The following RHOG variants were observed in gnomAD, a reference collection of about 807,000 sequenced individuals.
RHOG encodes ras homolog family member G, also known as rho-related GTP-binding protein RhoG.
Under a neutral mutation model 12.3 loss-of-function variants are expected in RHOG, and 1 was observed. That is an observed-to-expected ratio of 0.08 (90% CI 0.03 to 0.39). The LOEUF is 0.39. RHOG is among the 10% of genes least tolerant of loss of function. The pLI is 0.99. For synonymous variants in RHOG, 129 were observed against 116.0 expected (o/e 1.11, Z -0.72); for missense variants, 114 against 266.2 (o/e 0.43, Z 3.98).
At position 3,828,724 on chromosome 11, in the gene RHOG, C is replaced by T. The variant is rs150930494; in HGVS notation, c.-68-518G>A. Among the ~76,000 whole-genome samples the T allele has an allele frequency of 9.4e-3, 1,404 of 148,644 alleles. 18 individuals carry two copies. Among genetic ancestry groups the T allele is most frequent in the African/African-American group, 0.03 (1,191 of 39,948 alleles). Reference sequence around the variant, plus strand: ...CTGCAAGCTCCGCCTCCTGGGTTCACGCCATTCTGCCTCAGCCTCTCGAGT... The same window carrying T: ...CTGCAAGCTCCGCCTCCTGGGTTCATGCCATTCTGCCTCAGCCTCTCGAGT... On this transcript the variant is annotated intron_variant, in intron 1 of 1. Transcript: ENST00000351018.
At chr11:3,833,076 AG>A (rs1448854881) in intron 1 of RHOG, among the ~76,000 whole-genome samples, 2 of 151,988 alleles carry the variant, frequency 1.3e-5, no homozygotes, top group East Asian at 3.9e-4. Flanking sequence ...AAAGTTATTT[AG>A]TAAATCAATG....
chr11:3,828,004 T>C lies in RHOG; in HGVS notation c.135A>G (p.Ala45=), dbSNP rs553525188. 1 of 1,614,280 alleles carries C rather than the reference T, an allele frequency of 6.2e-7. No homozygotes were observed. The highest frequency in any genetic ancestry group is 1.3e-5 in the African/African-American group (1 of 75,084). ...TCAGGTTCACTGTGCGCCCGTCAACTGCGCTCTGCGCGCTGTAATTGTCGA... is the reference window on the plus strand; with the variant it reads ...TCAGGTTCACTGTGCGCCCGTCAACCGCGCTCTGCGCGCTGTAATTGTCGA... ...TVFDNYSAQS[A]VDGRTVNLNL... The change falls in exon 2 of 2, where the codon GCA becomes GCG. Residue 45 remains alanine (A), a synonymous_variant. Coordinates refer to ENST00000351018, the MANE Select transcript of RHOG (RefSeq NM_001665.4).
chr11:3,835,056 G>A (rs1190851403), intron 1 of RHOG, among the ~76,000 whole-genome samples: 1 of 152,186 alleles, frequency 6.6e-6, no homozygotes, highest in Admixed American at 6.5e-5. Context: ...AGTCAGAAGT[G>A]ACTTATCCTA....
chr11:3,828,772 C>G (rs570468195), intron 1 of RHOG, among the ~76,000 whole-genome samples: 501 of 151,866 alleles, frequency 3.3e-3, no homozygotes, highest in African/African-American at 0.011. Flanking sequence ...AGGCACCCAC[C>G]ACCACGCCCG....
intron 1 of RHOG, among the ~76,000 whole-genome samples, chr11:3,835,033 C>T (rs1417836583): frequency 2.6e-5 from 4 of 152,286 alleles, no homozygotes; most frequent in South Asian, 2.1e-4. Flanking sequence ...TCCAGGAAAG[C>T]GTAAATTATC....
intron 1 of RHOG, among the ~76,000 whole-genome samples, chr11:3,831,853 T>C (rs571534528): frequency 6.6e-6 from 1 of 152,142 alleles, no homozygotes; most frequent in Non-Finnish European, 1.5e-5. Flanking sequence ...AGCCCAGCAC[T>C]GGGCTGGCCC....
At chr11:3,839,628 CAG>C (rs2090179213) in intron 1 of RHOG, among the ~76,000 whole-genome samples, 1 of 149,852 alleles carries the variant, frequency 6.7e-6, no homozygotes, top group Non-Finnish European at 1.5e-5. Flanking sequence ...CACACACACA[CAG>C]GCTTTCCAGC....
At chr11:3,836,931 A>AAAAAAAAAT (rs2090161339) in intron 1 of RHOG, among the ~76,000 whole-genome samples, 5 of 136,884 alleles carry the variant, frequency 3.7e-5, no homozygotes, top group Non-Finnish European at 7.9e-5. Flanking sequence ...AAAAAAAAAA[A>AAAAAAAAAT]GCTGAGCCTC....
In RHOG at chr11:3,828,030, A is replaced by C; in HGVS notation, c.109T>G (p.Phe37Val). 1 of 1,614,292 alleles carries C rather than the reference A, an allele frequency of 6.2e-7. No individual in the cohort carries two copies. The highest frequency in any genetic ancestry group is 8.5e-7 in the Non-Finnish European group (1 of 1,180,056). The change falls in exon 2 of 2, where the codon TTC (phenylalanine) becomes GTC (valine). Residue 37 changes from phenylalanine (F) to valine (V), a missense_variant. Phe to Val is a conservative substitution (Grantham distance 50). This residue lies in a region of RHOG where 53 missense variants were observed against 164.8 expected (regional missense o/e 0.32). Coordinates refer to ENST00000351018, the MANE Select transcript of RHOG (RefSeq NM_001665.4). ...GCGCTCTGCGCGCTGTAATTGTCGA[A>C]CACGGTGGGGATGTACTCTTTGGGG... Reference protein sequence around the residue: ...AFPKEYIPTVFDNYSAQSAVD... With the variant: ...AFPKEYIPTVVDNYSAQSAVD...
At chr11:3,837,209 G>A (rs895633521) in intron 1 of RHOG, among the ~76,000 whole-genome samples, 4 of 152,030 alleles carry the variant, frequency 2.6e-5, no homozygotes, top group Admixed American at 1.3e-4. Context: ...CTTTAGCCCC[G>A]CCCGAGGCCT....
chr11:3,832,604 G>A (rs1181388349), intron 1 of RHOG, among the ~76,000 whole-genome samples: 1 of 152,198 alleles, frequency 6.6e-6, no homozygotes, highest in Non-Finnish European at 1.5e-5. Flanking sequence ...ATCCCAGAAG[G>A]CAGGAAGCAC....
In RHOG at chr11:3,829,339, G is replaced by A. The variant is rs192928203; in HGVS notation, c.-68-1133C>T. Among the ~76,000 whole-genome samples, 528 of 144,984 alleles carry A rather than the reference G, an allele frequency of 3.6e-3. 5 individuals carry two copies. The highest frequency in any genetic ancestry group is 0.013 in the African/African-American group (514 of 38,662). ...GTGATCTCAGCTCACTGCAACCTCC[G>A]CCTCCTGGGTTCAAGTGTCTCCTGC... On this transcript the variant is annotated intron_variant, in intron 1 of 1. Coordinates refer to ENST00000351018, the MANE Select transcript of RHOG (RefSeq NM_001665.4).
At chr11:3,836,900 CTCAAAA>C in intron 1 of RHOG, among the ~76,000 whole-genome samples, 1 of 58,352 alleles carries the variant, frequency 1.7e-5, no homozygotes, top group Non-Finnish European at 3.0e-5. Flanking sequence ...AAGACTCCAT[CTCAAAA>C]AAAAAAAAAA....
chr11:3,828,258 G>C, intron 1 of RHOG, 52 bp from the exon 2 acceptor site: 3 of 876,002 alleles, frequency 3.4e-6, no homozygotes, highest in Non-Finnish European at 5.2e-6. Context: ...TCTGCCTATT[G>C]GGAAGAAAAG....
chr11:3,828,755 G>A (rs140798842), intron 1 of RHOG, among the ~76,000 whole-genome samples: 8 of 151,244 alleles, frequency 5.3e-5, no homozygotes, highest in African/African-American at 1.9e-4. Flanking sequence ...CGAGTAGCTG[G>A]GACTACAGGC....
chr11:3,837,020 G>A (rs989078103), intron 1 of RHOG, among the ~76,000 whole-genome samples: 2 of 151,594 alleles, frequency 1.3e-5, no homozygotes, highest in Non-Finnish European at 2.9e-5. Context: ...GGTGCACACT[G>A]GCTTCCTCCT....
intron 1 of RHOG, among the ~76,000 whole-genome samples, chr11:3,837,584 A>G (rs572206101): frequency 1.3e-5 from 2 of 152,310 alleles, no homozygotes; most frequent in South Asian, 4.1e-4. Context: ...GCAACTCCTT[A>G]ATGCTAAAAT....
chr11:3,834,342 C>CA lies in RHOG; in HGVS notation c.-68-6137dup, dbSNP rs1295862014. 1.1e-3 allele frequency among the ~76,000 whole-genome samples: 166 copies of CA among 151,022 alleles called. No homozygotes were observed. The East Asian group carries it at 0.023, about 21-fold the overall frequency. On this transcript the variant is annotated intron_variant, in intron 1 of 1. Transcript: ENST00000351018. Reference sequence around the variant, plus strand: ...GCCTTGGCTTCTCTGGACTAAATGACAAAAAAAAACCTCTAAGTATAGGGC... The same window carrying CA: ...GCCTTGGCTTCTCTGGACTAAATGACAAAAAAAAAACCTCTAAGTATAGGGC...
At chr11:3,839,637 C>G (rs1282816322) in intron 1 of RHOG, among the ~76,000 whole-genome samples, 3 of 137,734 alleles carry the variant, frequency 2.2e-5, no homozygotes, top group African/African-American at 8.4e-5. Context: ...ACAGGCTTTC[C>G]AGCTCTTTAA....
Sources: gnomAD v4.1 joint callset for allele counts (sites outside exome capture counted in the v4.1 genomes callset) on GRCh38, gnomAD v4.1.1 for gene constraint, gnomAD v4.1.1 regional missense constraint, MANE v1.5 for transcripts, NCBI Gene and HGNC (gene_info 2026-07-23, HGNC 2026-07-21) for gene names.